Variants in TMCC2 observed in about 807,000 individuals in gnomAD.
TMCC2 encodes the protein transmembrane and coiled-coil domain family 2, also known as transmembrane and coiled-coil domains protein 2.
A neutral mutation model predicts 49.4 loss-of-function variants in TMCC2; 16 were observed. The ratio of observed to expected loss-of-function variants is 0.32; its 90% CI spans 0.22 to 0.49. The LOEUF is 0.49. TMCC2 is among the 20% of genes least tolerant of loss of function. The probability of loss-of-function intolerance (pLI) is 0.99; values close to 1 mark genes in which losing one functional copy is unlikely to be tolerated. For missense variants in TMCC2, 762 were observed against 989.8 expected, an observed-to-expected ratio of 0.77 and a Z score of 3.09; for synonymous variants, 397 against 434.1, an observed-to-expected ratio of 0.91 and a Z score of 1.06.
intron 1 of TMCC2, chr1:205,236,449 G>T (rs1450501832): frequency 6.6e-6 from 1 of 152,232 alleles, no homozygotes; most frequent in African/African-American, 2.4e-5. Context: ...TTGTAAGATG[G>T]ATTTGTAGAG....
chr1:205,257,495 TC>T, intron 2 of TMCC2: 1 of 995,774 alleles, frequency 1.0e-6, no homozygotes, highest in Non-Finnish European at 1.3e-6. Flanking sequence ...GGAGCTCTCC[TC>T]CAGGTATAGA....
intron 2 of TMCC2, chr1:205,268,120 TA>T: frequency 1.0e-6 from 1 of 976,238 alleles, no homozygotes; most frequent in Non-Finnish European, 1.2e-6. Context: ...GCTGCGTTGT[TA>T]GTGAACATGG....
At chr1:205,242,162 G>A (rs535163018) in intron 2 of TMCC2, 118 bp downstream of exon 2, 22 of 1,132,078 alleles carry the variant, frequency 1.9e-5, no homozygotes, top group South Asian at 6.7e-5. Context: ...ACACCCCACC[G>A]TCTGCAGAGT....
chr1:205,244,088 C>T (rs892611047), intron 2 of TMCC2, among the ~76,000 whole-genome samples: 4 of 152,166 alleles, frequency 2.6e-5, no homozygotes, highest in Admixed American at 1.3e-4. Flanking sequence ...CAGTGGCTGT[C>T]ATTGGGAACC....
At chr1:205,268,216 G>A (rs986424355) in intron 2 of TMCC2, among the ~76,000 whole-genome samples, 11 of 152,206 alleles carry the variant, frequency 7.2e-5, no homozygotes, top group Non-Finnish European at 1.2e-4. Context: ...GCCTTATGAA[G>A]TGGTTGAGTC....
rs778120591 is a variant in TMCC2 at position 205,228,657 on chromosome 1, G to A, written c.93G>A (p.Ala31=). ...LEDAASHLPG[A]DLRPGETTGA... The stretch of plus-strand genomic sequence containing the variant: ...ATGCCGCTTCCCACCTGCCGGGCGC[G>A]GACCTCCGGCCTGGGGAGACCACGG... Residue 31 remains alanine, a synonymous_variant, in exon 1 of 5, where the codon GCG becomes GCA. Transcript: ENST00000358024. 2.5e-6 allele frequency: 4 copies of A among 1,612,990 alleles called. No homozygotes were observed. Among genetic ancestry groups the A allele is most frequent in the African/African-American group, 1.3e-5 (1 of 74,894 alleles).
At chr1:205,235,765 CTG>C (rs1430823936) in intron 1 of TMCC2, among the ~76,000 whole-genome samples, 1 of 152,158 alleles carries the variant, frequency 6.6e-6, no homozygotes, top group Non-Finnish European at 1.5e-5. Context: ...TGTTTTGTGA[CTG>C]TGCTAGAAAA....
At position 205,241,409 on chromosome 1, in the gene TMCC2, A is replaced by C. The variant is rs1045074327; in HGVS notation, c.208-96A>C. 7.7e-7 allele frequency: 1 copy of C among 1,293,064 alleles called. No homozygotes were observed. Among genetic ancestry groups the C allele is most frequent in the South Asian group, 1.4e-5 (1 of 68,996 alleles). 80.1% of individuals were successfully genotyped at this position (1,293,064 alleles called of 1,614,324 possible). Reference sequence around the variant, plus strand: ...TTCAGATGGCTGCATTAGCTATGCCAGTCTACCAAGGACAGACCCTTCACC... The same window carrying C: ...TTCAGATGGCTGCATTAGCTATGCCCGTCTACCAAGGACAGACCCTTCACC... On this transcript the variant is annotated intron_variant, in intron 1 of 4. Coordinates refer to ENST00000358024, the MANE Select transcript of TMCC2 (RefSeq NM_014858.4). This position sits in a 1 kb window ranked among gnomAD's most constrained non-coding sequence, Gnocchi z 7.3.
chr1:205,267,304 C>T (rs1768587), intron 2 of TMCC2, among the ~76,000 whole-genome samples: 37,710 of 152,140 alleles, frequency 0.25, 6,198 homozygotes, highest in Non-Finnish European at 0.36. Context: ...AATAACTTTG[C>T]ACCTTGGCAG....
chr1:205,245,331 G>T (rs893061341), intron 2 of TMCC2, among the ~76,000 whole-genome samples: 6 of 152,208 alleles, frequency 3.9e-5, no homozygotes, highest in African/African-American at 1.2e-4. Context: ...GAGGCAGCTT[G>T]TTTGTTGTGG....
intron 2 of TMCC2, among the ~76,000 whole-genome samples, chr1:205,245,268 A>G (rs1470532445): frequency 6.6e-6 from 1 of 152,210 alleles, no homozygotes. Flanking sequence ...GCTCCGGGGC[A>G]AGTGGAGCTG....
chr1:205,263,697 C>T (rs1455984713), intron 2 of TMCC2, among the ~76,000 whole-genome samples: 1 of 152,098 alleles, frequency 6.6e-6, no homozygotes, highest in African/African-American at 2.4e-5. Context: ...CAGAGTGATT[C>T]TGACTCAACA....
At chr1:205,247,302 G>A (rs1348038872) in intron 2 of TMCC2, among the ~76,000 whole-genome samples, 3 of 152,158 alleles carry the variant, frequency 2.0e-5, no homozygotes, top group African/African-American at 7.2e-5. Flanking sequence ...GGAGACAAGG[G>A]ATCCTAGTCT....
chr1:205,255,509 C>T (rs1185799265), intron 2 of TMCC2, among the ~76,000 whole-genome samples: 2 of 152,054 alleles, frequency 1.3e-5, no homozygotes, highest in Admixed American at 1.3e-4. Context: ...GAGCCAAGAT[C>T]GCGTCAATGC....
Position 205,236,016 on chromosome 1 carries a change from C to T in TMCC2, c.208-5489C>T, listed in dbSNP as rs117192626. ...CCCGGCAGGCAAAGGTTGCAGTGAA[C>T]GGAGATCACGCCATTACACTCCAGC... On this transcript the variant is annotated intron_variant, in intron 1 of 4. Transcript: ENST00000358024. Among the ~76,000 whole-genome samples, 94 of 144,868 alleles carry T rather than the reference C, an allele frequency of 6.5e-4. 1 individual carries two copies. In the East Asian group the frequency reaches 0.011, roughly 17 times the overall value.
intron 2 of TMCC2, among the ~76,000 whole-genome samples, chr1:205,244,502 G>A (rs886187687): frequency 7.2e-5 from 11 of 152,190 alleles, no homozygotes; most frequent in Admixed American, 1.3e-4. Flanking sequence ...GCTTGAGGAG[G>A]GCAGTAAAGC....
intron 2 of TMCC2, 33 bp downstream of exon 2, chr1:205,242,077 CAG>C (rs775808144): frequency 4.5e-6 from 7 of 1,541,980 alleles, no homozygotes; most frequent in Non-Finnish European, 6.1e-6. Flanking sequence ...GGGGGAGACT[CAG>C]AGGCAAGGGC....
At chr1:205,229,889 C>G in intron 1 of TMCC2, 3 of 985,450 alleles carry the variant, frequency 3.0e-6, no homozygotes, top group Non-Finnish European at 3.6e-6. Context: ...TTTGCCGGAA[C>G]TGCCACAGGG....
chr1:205,249,213 A>G (rs995905958), intron 2 of TMCC2, among the ~76,000 whole-genome samples: 1 of 152,198 alleles, frequency 6.6e-6, no homozygotes, highest in Non-Finnish European at 1.5e-5. Flanking sequence ...CAGGGAAACC[A>G]GTGGAGTTCA....
Sources: gnomAD v4.1 joint callset for allele counts (sites outside exome capture counted in the v4.1 genomes callset) on GRCh38, gnomAD v4.1.1 for gene constraint, Gnocchi (gnomAD v3.1) non-coding constraint, MANE v1.5 for transcripts, NCBI Gene and HGNC (gene_info 2026-07-23, HGNC 2026-07-21) for gene names.